WSCD2: variants seen among roughly 807,000 people sequenced by gnomAD.
The protein encoded by WSCD2 is sialate:O-sulfotransferase 2.
A neutral mutation model predicts 55.7 loss-of-function variants in WSCD2; 28 were observed. That is an observed-to-expected ratio of 0.50 (90% confidence interval 0.37 to 0.69). The LOEUF (loss-of-function observed/expected upper bound fraction) is 0.69, where lower values mean the gene tolerates loss of function less well. Ranked by LOEUF, WSCD2 falls within the 30% of genes least tolerant of loss-of-function variation. The pLI, the probability that WSCD2 is intolerant of heterozygous loss-of-function variation, is 0.00. For synonymous variants in WSCD2, 301 were observed against 301.9 expected, an observed-to-expected ratio of 1.00 and a Z score of 0.03; for missense variants, 616 against 762.1, an observed-to-expected ratio of 0.81 and a Z score of 2.26.
At chr12:108,220,801 G>A (rs751775806) in intron 4 of WSCD2, among the ~76,000 whole-genome samples, 2 of 152,142 alleles carry the variant, frequency 1.3e-5, no homozygotes, top group Non-Finnish European at 2.9e-5. Flanking sequence ...GCCTCCTAAA[G>A]TGTTGGGCTT....
intron 6 of WSCD2, among the ~76,000 whole-genome samples, chr12:108,227,944 AGGTC>A (rs1888322227): frequency 6.6e-6 from 1 of 151,044 alleles, no homozygotes; most frequent in Admixed American, 6.6e-5. Context: ...GAGTTTCTTG[AGGTC>A]TTACTCTGTG....
chr12:108,159,165 T>G (rs934696542), intron 1 of WSCD2, among the ~76,000 whole-genome samples: 32 of 152,190 alleles, frequency 2.1e-4, no homozygotes, highest in African/African-American at 7.2e-4. Context: ...CCATCTGGTT[T>G]CCTTTTCTTA....
At chr12:108,176,917 G>C (rs892959321) in intron 1 of WSCD2, among the ~76,000 whole-genome samples, 1 of 152,136 alleles carries the variant, frequency 6.6e-6, no homozygotes, top group Non-Finnish European at 1.5e-5. Context: ...GATTAGAAGT[G>C]ACTGGAAAAA....
intron 1 of WSCD2, among the ~76,000 whole-genome samples, chr12:108,161,000 GA>G (rs1477636299): frequency 6.6e-6 from 1 of 152,196 alleles, no homozygotes; most frequent in Non-Finnish European, 1.5e-5. Context: ...GATGATAGAT[GA>G]AAGCAAGTGT....
chr12:108,170,567 A>C (rs1257077448), intron 1 of WSCD2, among the ~76,000 whole-genome samples: 1 of 152,190 alleles, frequency 6.6e-6, no homozygotes, highest in Non-Finnish European at 1.5e-5. Context: ...TGGTCATTGA[A>C]TCCACCACCG....
intron 1 of WSCD2, among the ~76,000 whole-genome samples, chr12:108,180,070 AAAAG>A (rs1881511054): frequency 4.0e-5 from 6 of 151,030 alleles, no homozygotes; most frequent in Admixed American, 2.0e-4. Flanking sequence ...AAAAAAAAGA[AAAAG>A]AAAAGAAAAG....
At chr12:108,226,959 T>C in intron 5 of WSCD2, 31 bp from the exon 6 acceptor site, 1 of 1,600,012 alleles carries the variant, frequency 6.2e-7, no homozygotes, top group South Asian at 1.1e-5. Context: ...TTAGCAACTC[T>C]CTTCCTCTTC....
chr12:108,200,431 A>G (rs1021128406), intron 2 of WSCD2, among the ~76,000 whole-genome samples: 1 of 152,210 alleles, frequency 6.6e-6, no homozygotes, highest in African/African-American at 2.4e-5. Context: ...CACTGGACTT[A>G]TACTATTTCT....
At chr12:108,225,798 A>C (rs1044826776) in intron 5 of WSCD2, among the ~76,000 whole-genome samples, 1 of 152,184 alleles carries the variant, frequency 6.6e-6, no homozygotes, top group Non-Finnish European at 1.5e-5. Context: ...ACTGGCACTC[A>C]GCGATGTCCA....
chr12:108,156,293 C>T (rs2136926842), intron 1 of WSCD2, among the ~76,000 whole-genome samples: 1 of 152,310 alleles, frequency 6.6e-6, no homozygotes, highest in African/African-American at 2.4e-5. Context: ...CCATTTAGTA[C>T]CTCTGAGCTG....
At chr12:108,202,581 T>A (rs1467827044) in intron 2 of WSCD2, among the ~76,000 whole-genome samples, 1 of 152,196 alleles carries the variant, frequency 6.6e-6, no homozygotes, top group Non-Finnish European at 1.5e-5. Context: ...AGGCCATTAT[T>A]CTTAGCAAAC....
intron 1 of WSCD2, among the ~76,000 whole-genome samples, chr12:108,177,884 A>T (rs1881107547): frequency 6.6e-6 from 1 of 152,024 alleles, no homozygotes; most frequent in African/African-American, 2.4e-5. Context: ...GAGCCAGGGG[A>T]ATGTTCAGAG....
intron 1 of WSCD2, among the ~76,000 whole-genome samples, chr12:108,151,115 C>T (rs1435762474): frequency 6.6e-6 from 1 of 152,078 alleles, no homozygotes; most frequent in Non-Finnish European, 1.5e-5. Flanking sequence ...AGCTCACTCC[C>T]ATGAGGTCCC....
At chr12:108,142,195 G>C (rs934689659) in intron 1 of WSCD2, among the ~76,000 whole-genome samples, 6 of 152,150 alleles carry the variant, frequency 3.9e-5, no homozygotes, top group African/African-American at 1.4e-4. Flanking sequence ...TCCCAGCTGT[G>C]TTTTGATAAG....
chr12:108,196,395 A>G, intron 2 of WSCD2, 181 bp downstream of exon 2: 5 of 1,056,842 alleles, frequency 4.7e-6, no homozygotes. Flanking sequence ...AAGCTCAGAG[A>G]GATGAAGCGG....
Position 108,248,868 on chromosome 12 carries a change from T to C in WSCD2, c.*525T>C. ...GCCACCTTCTGTTCTAAAGAAAGAT[T>C]GCTGGGAAGTTTCTCCGTGGCCTTA... On this transcript the variant is annotated 3_prime_UTR_variant, in exon 9 of 9. Coordinates refer to ENST00000547525, the MANE Select transcript of WSCD2 (RefSeq NM_014653.4). The surrounding 1 kb of genome is among the most constrained non-coding windows in gnomAD (Gnocchi z 4.3). 1.0e-6 allele frequency: 1 copy of C among 988,588 alleles called. No individual in the cohort carries two copies. The highest frequency in any genetic ancestry group is 1.2e-6 in the Non-Finnish European group (1 of 831,674). The allele number at this position is 988,588 out of a possible 1,614,324, so 61.2% of individuals were successfully genotyped here.
At chr12:108,211,663 A>T (rs898194743) in intron 4 of WSCD2, among the ~76,000 whole-genome samples, 2 of 148,370 alleles carry the variant, frequency 1.3e-5, no homozygotes, top group East Asian at 3.9e-4. Flanking sequence ...ATATATATAT[A>T]TATTTTTTGA....
intron 1 of WSCD2, among the ~76,000 whole-genome samples, chr12:108,138,661 T>G (rs1461756047): frequency 1.3e-5 from 2 of 152,244 alleles, no homozygotes; most frequent in Non-Finnish European, 2.9e-5. Flanking sequence ...TGTGGGCATC[T>G]GTTCAGGACT....
At position 108,233,054 on chromosome 12, in the gene WSCD2, CA is replaced by C. The variant is rs200049656; in HGVS notation, c.1144+160del. On this transcript the variant is annotated intron_variant, in intron 7 of 8. Transcript: ENST00000547525. ...ACTCACTGCATGCTTGGTACCCCCCCACCTTCCTTTATGCCCCACAAACATT... is the reference window on the plus strand; with the variant it reads ...ACTCACTGCATGCTTGGTACCCCCCCCCTTCCTTTATGCCCCACAAACATT... 8 of 909,982 alleles carry C rather than the reference CA, an allele frequency of 8.8e-6. No homozygotes were observed. The African/African-American group carries it at 1.2e-4, about 13-fold the overall frequency. 56.4% of individuals were successfully genotyped at this position (909,982 alleles called of 1,614,324 possible).
Sources: allele counts gnomAD v4.1 joint callset (sites outside exome capture counted in the v4.1 genomes callset), GRCh38; gene constraint gnomAD v4.1.1; non-coding constraint Gnocchi (gnomAD v3.1); transcripts MANE v1.5; gene names NCBI Gene and HGNC (gene_info 2026-07-23, HGNC 2026-07-21).